The following CALCB variants were observed in gnomAD, a reference collection of about 807,000 sequenced individuals.
CALCB encodes the protein calcitonin gene-related peptide 2.
In CALCB, 8 loss-of-function variants were observed where a neutral mutation model predicts 10.7. The ratio of observed to expected loss-of-function variants is 0.75; its 90% confidence interval spans 0.44 to 1.34. The LOEUF (loss-of-function observed/expected upper bound fraction) is 1.34. CALCB is among the 40% of genes most tolerant of loss of function. CALCB has a pLI of 0.01. For missense variants in CALCB, 176 were observed against 162.5 expected (o/e 1.08, Z -0.45); for synonymous variants, 76 against 66.9 (o/e 1.14, Z -0.66).
chr11:15,075,700 G>A (rs1850388235), intron 3 of CALCB, among the ~76,000 whole-genome samples: 1 of 152,210 alleles, frequency 6.6e-6, no homozygotes. Flanking sequence ...TGAAGCCCTT[G>A]CAGGGGGTGG....
chr11:15,076,862 G>A (rs1314687267), intron 3 of CALCB, among the ~76,000 whole-genome samples: 4 of 152,166 alleles, frequency 2.6e-5, no homozygotes, highest in Non-Finnish European at 4.4e-5. Flanking sequence ...AAGTACTTCT[G>A]GGAGAGGATG....
chr11:15,075,375 C>G (rs756477023), intron 3 of CALCB, among the ~76,000 whole-genome samples, 177 bp downstream of exon 3: 2 of 152,200 alleles, frequency 1.3e-5, no homozygotes, highest in Admixed American at 6.5e-5. Context: ...CCTGGAGGGA[C>G]TGTGTGTGGT....
Position 15,074,753 on chromosome 11 carries a change from T to G in CALCB, c.35T>G (p.Leu12Arg). 2 of 1,614,172 alleles carry G rather than the reference T, an allele frequency of 1.2e-6. No individual in the cohort carries two copies. The highest frequency in any genetic ancestry group is 4.5e-5 in the East Asian group (2 of 44,870). Residue 12 changes from leucine (L) to arginine (R), a missense_variant, in exon 2 of 5, where the codon CTC becomes CGC. Transcript: ENST00000324229. Reference sequence around the variant, plus strand: ...CGGAAGTTCTCCCCCTTCCTGGCTCTCAGTATCTTGGTCCTGTACCAGGCG... The same window carrying G: ...CGGAAGTTCTCCCCCTTCCTGGCTCGCAGTATCTTGGTCCTGTACCAGGCG... Reference protein sequence around the residue: ...GFRKFSPFLALSILVLYQAGS... With the variant: ...GFRKFSPFLARSILVLYQAGS...
At chr11:15,074,120 G>A (rs1850372614) in intron 1 of CALCB, among the ~76,000 whole-genome samples, 2 of 152,276 alleles carry the variant, frequency 1.3e-5, no homozygotes, top group South Asian at 4.1e-4. Flanking sequence ...AGTGTTGTTA[G>A]CGGACTAGAA....
intron 3 of CALCB, among the ~76,000 whole-genome samples, chr11:15,076,359 T>G (rs1389721724): frequency 6.6e-6 from 1 of 152,194 alleles, no homozygotes; most frequent in Non-Finnish European, 1.5e-5. Context: ...GTCCCCCAGA[T>G]GGCAGCTGAA....
At chr11:15,074,996 T>C in intron 2 of CALCB, 65 bp from the exon 3 acceptor site, 1 of 1,587,162 alleles carries the variant, frequency 6.3e-7, no homozygotes, top group Non-Finnish European at 8.7e-7. Context: ...GAAGCCTGGC[T>C]GCCTATCCTG....
intron 4 of CALCB, among the ~76,000 whole-genome samples, chr11:15,077,794 A>C (rs959587271): frequency 2.0e-5 from 3 of 152,206 alleles, no homozygotes; most frequent in African/African-American, 7.2e-5. Flanking sequence ...CTACAGATTC[A>C]GGTGGATAAG....
intron 1 of CALCB, among the ~76,000 whole-genome samples, chr11:15,074,268 G>T (rs985184356): frequency 1.3e-5 from 2 of 152,242 alleles, no homozygotes; most frequent in African/African-American, 4.8e-5. Context: ...CCAAGACTGA[G>T]AAATGAGCGC....
Position 15,077,255 on chromosome 11 carries a change from T to C in CALCB, c.225-31T>C, listed in dbSNP as rs7103729. On this transcript the variant is annotated intron_variant, in intron 3 of 4. Coordinates refer to ENST00000324229, the MANE Select transcript of CALCB (RefSeq NM_000728.4). The stretch of plus-strand genomic sequence containing the variant: ...CCTCCCCCAGCTTTTCACTCACAGG[T>C]CTTCTCTTCTTTCTCTATCTTGCAA... 4 of 1,609,694 alleles carry C rather than the reference T, an allele frequency of 2.5e-6. No individual in the cohort carries two copies. The African/African-American group carries it at 5.3e-5, about 22-fold the overall frequency.
intron 3 of CALCB, among the ~76,000 whole-genome samples, chr11:15,076,196 G>T (rs1945610): frequency 7.9e-5 from 12 of 152,324 alleles, no homozygotes; most frequent in African/African-American, 2.9e-4. Context: ...TTTAAGTAGC[G>T]TATAGTAATC....
intron 1 of CALCB, among the ~76,000 whole-genome samples, 164 bp from the exon 2 acceptor site, chr11:15,074,546 C>A (rs1395218910): frequency 6.6e-6 from 1 of 152,232 alleles, no homozygotes; most frequent in Non-Finnish European, 1.5e-5. Flanking sequence ...TCACTCACTG[C>A]AATGTGTCTC....
intron 4 of CALCB, among the ~76,000 whole-genome samples, chr11:15,077,857 T>C (rs2133642510): frequency 6.6e-6 from 1 of 152,334 alleles, no homozygotes; most frequent in Middle Eastern, 3.4e-3. Flanking sequence ...ATTATTTTAG[T>C]CTTCATTTGC....
intron 1 of CALCB, 61 bp from the exon 2 acceptor site, chr11:15,074,649 G>A: frequency 7.6e-7 from 1 of 1,309,140 alleles, no homozygotes; most frequent in South Asian, 1.3e-5. Flanking sequence ...AGTTGTGGCA[G>A]AGGCAGGACT....
intron 1 of CALCB, among the ~76,000 whole-genome samples, chr11:15,074,463 C>A (rs1237873025): frequency 6.6e-6 from 1 of 152,232 alleles, no homozygotes; most frequent in Non-Finnish European, 1.5e-5. Flanking sequence ...TGGCCTTCAA[C>A]AAAACAGAAC....
At position 15,075,145 on chromosome 11, in the gene CALCB, T is replaced by G; in HGVS notation, c.171T>G (p.Tyr57Ter). The G allele has an allele frequency of 5.0e-6, 8 of 1,614,174 alleles. No homozygotes were observed. Among genetic ancestry groups the G allele is most frequent in the Non-Finnish European group, 6.8e-6 (8 of 1,180,006 alleles). ...TGCTGGCTGCACTGGTGCAGGACTA[T>G]GTGCAGATGAAGGCCAGTGAGCTGA... ...RLLLAALVQD[Y>*]VQMKASELKQ... The change falls in exon 3 of 5, where the codon TAT becomes TAG. Residue 57 changes from tyrosine to a stop codon, truncating the protein, a stop_gained. Transcript: ENST00000324229. LOFTEE classifies it high-confidence loss of function.
In CALCB at chr11:15,074,702, C is replaced by T; in HGVS notation, c.-9-8C>T. On this transcript the variant is annotated splice_region_variant and splice_polypyrimidine_tract_variant and intron_variant, in intron 1 of 4. Coordinates refer to ENST00000324229, the MANE Select transcript of CALCB (RefSeq NM_000728.4). ...TGGTGCAGTAGTAACGTCATCCTTCCTTTACAGAGAGGCGGCATGGGTTTC... is the reference window on the plus strand; with the variant it reads ...TGGTGCAGTAGTAACGTCATCCTTCTTTTACAGAGAGGCGGCATGGGTTTC... 1 of 1,609,582 alleles carries T rather than the reference C, an allele frequency of 6.2e-7. No individual in the cohort carries two copies. The highest frequency in any genetic ancestry group is 8.5e-7 in the Non-Finnish European group (1 of 1,176,288).
At chr11:15,074,122 G>T (rs568462249) in intron 1 of CALCB, among the ~76,000 whole-genome samples, 1 of 152,380 alleles carries the variant, frequency 6.6e-6, no homozygotes, top group African/African-American at 2.4e-5. Context: ...TGTTGTTAGC[G>T]GACTAGAACC....
At chr11:15,076,339 C>A (rs752896630) in intron 3 of CALCB, among the ~76,000 whole-genome samples, 10 of 152,220 alleles carry the variant, frequency 6.6e-5, no homozygotes, top group Admixed American at 1.3e-4. Context: ...GACCACTACC[C>A]GACTCCAGGG....
chr11:15,074,734 T>C lies in CALCB; in HGVS notation c.16T>C (p.Phe6Leu). 4 of 1,614,032 alleles carry C rather than the reference T, an allele frequency of 2.5e-6. No homozygotes were observed. The highest frequency in any genetic ancestry group is 3.4e-6 in the Non-Finnish European group (4 of 1,179,962). The change falls in exon 2 of 5, where the codon TTC becomes CTC. Residue 6 changes from phenylalanine to leucine, a missense_variant. By Grantham distance (22) the Phe-to-Leu change is conservative (BLOSUM62 0). Transcript: ENST00000324229. MGFRK[F>L]SPFLALSILV... Reference sequence around the variant, plus strand: ...GAGAGGCGGCATGGGTTTCCGGAAGTTCTCCCCCTTCCTGGCTCTCAGTAT... The same window carrying C: ...GAGAGGCGGCATGGGTTTCCGGAAGCTCTCCCCCTTCCTGGCTCTCAGTAT...
Sources: allele counts gnomAD v4.1 joint callset (sites outside exome capture counted in the v4.1 genomes callset), GRCh38; gene constraint gnomAD v4.1.1; transcripts MANE v1.5; gene names NCBI Gene and HGNC (gene_info 2026-07-23, HGNC 2026-07-21).